TRIM66: variants seen among roughly 807,000 people sequenced by gnomAD.
TRIM66 encodes the protein tripartite motif containing 66.
A neutral mutation model predicts 148.2 loss-of-function variants in TRIM66; 99 were observed. The ratio of observed to expected loss-of-function variants is 0.67; its 90% CI spans 0.57 to 0.79. TRIM66 has a LOEUF of 0.79. TRIM66 is among the 30% of genes least tolerant of loss of function. TRIM66 has a pLI of 0.00. For missense variants in TRIM66, 1,666 were observed against 1,697.9 expected, an observed-to-expected ratio of 0.98 and a Z score of 0.33; for synonymous variants, 616 against 635.9, an observed-to-expected ratio of 0.97 and a Z score of 0.47.
At position 8,640,211 on chromosome 11, in the gene TRIM66, C is replaced by T. The variant is rs1359675926; in HGVS notation, c.2148+16G>A. 6.5e-7 allele frequency: 1 copy of T among 1,547,068 alleles called. No individual in the cohort carries two copies. Among genetic ancestry groups the T allele is most frequent in the East Asian group, 2.5e-5 (1 of 40,814 alleles). ...CGATGGGCAGAATATGCACGCCAAG[C>T]CACCCTGACGCTTACCTGCAGGGTC... On this transcript the variant is annotated intron_variant, in intron 14 of 24. Coordinates refer to ENST00000646038, the MANE Select transcript of TRIM66 (RefSeq NM_001388022.1).
chr11:8,624,616 G>A, intron 16 of TRIM66, 65 bp from the exon 17 acceptor site: 2 of 1,485,930 alleles, frequency 1.3e-6, no homozygotes, highest in Non-Finnish European at 1.8e-6. Flanking sequence ...AGTGGTCTCA[G>A]AACTGTTAAG....
chr11:8,645,738 T>TA lies in TRIM66; in HGVS notation c.1104+2dup. 1 of 1,551,618 alleles carries TA rather than the reference T, an allele frequency of 6.4e-7. No homozygotes were observed. Among genetic ancestry groups the TA allele is most frequent in the Non-Finnish European group, 8.7e-7 (1 of 1,146,878 alleles). Reference sequence around the variant, plus strand: ...GGCTGAGGAGTTGGGAGATTCCTCTTACCAGCTCTTTGCTGAAAAGAAAAG... The same window carrying TA: ...GGCTGAGGAGTTGGGAGATTCCTCTTAACCAGCTCTTTGCTGAAAAGAAAAG... On this transcript the variant is annotated splice_region_variant and intron_variant, in intron 12 of 24. Transcript: ENST00000646038.
At chr11:8,662,265 C>T (rs2038310093) in intron 6 of TRIM66, among the ~76,000 whole-genome samples, 1 of 152,204 alleles carries the variant, frequency 6.6e-6, no homozygotes, top group Non-Finnish European at 1.5e-5. Flanking sequence ...CAGCTGAGAT[C>T]TCACCTCTGG....
chr11:8,660,802 G>C (rs1270660661), intron 6 of TRIM66, among the ~76,000 whole-genome samples: 1 of 152,198 alleles, frequency 6.6e-6, no homozygotes, highest in Non-Finnish European at 1.5e-5. Flanking sequence ...CTTCAAGTTT[G>C]TGTAGGATGT....
At chr11:8,637,339 T>G (rs1209864720) in intron 15 of TRIM66, among the ~76,000 whole-genome samples, 1 of 129,946 alleles carries the variant, frequency 7.7e-6, no homozygotes. Context: ...TATATATATA[T>G]ATGCATTATA....
At chr11:8,663,925 T>C (rs2038421751) in intron 6 of TRIM66, among the ~76,000 whole-genome samples, 1 of 151,972 alleles carries the variant, frequency 6.6e-6, no homozygotes, top group Non-Finnish European at 1.5e-5. Flanking sequence ...AAAAAACTGA[T>C]CTCATAAAAG....
intron 6 of TRIM66, among the ~76,000 whole-genome samples, chr11:8,655,268 C>T (rs142566874): frequency 3.9e-4 from 60 of 152,244 alleles, no homozygotes; most frequent in Middle Eastern, 6.8e-3. Context: ...AAAGCCAGTG[C>T]AGGTTTATAA....
At chr11:8,667,000 T>C (rs561125296) in intron 6 of TRIM66, among the ~76,000 whole-genome samples, 41 of 152,280 alleles carry the variant, frequency 2.7e-4, no homozygotes, top group African/African-American at 9.1e-4. Flanking sequence ...TTTGTATTTT[T>C]AGTAGAGACA....
intron 15 of TRIM66, among the ~76,000 whole-genome samples, chr11:8,627,126 A>G (rs1260892319): frequency 6.6e-6 from 1 of 152,198 alleles, no homozygotes; most frequent in Non-Finnish European, 1.5e-5. Context: ...TCATTTGATT[A>G]ATGTCTGTTT....
At chr11:8,664,755 T>C (rs1224218700) in intron 6 of TRIM66, among the ~76,000 whole-genome samples, 2 of 152,192 alleles carry the variant, frequency 1.3e-5, no homozygotes, top group East Asian at 1.9e-4. Context: ...TGTTCTGTGT[T>C]GGGCTGCGGG....
intron 22 of TRIM66, 41 bp from the exon 23 acceptor site, chr11:8,619,576 G>A (rs1277391654): frequency 6.8e-7 from 1 of 1,480,462 alleles, no homozygotes; most frequent in Non-Finnish European, 9.0e-7. Context: ...CAAAGGGAGT[G>A]AGAGAAGAAA....
chr11:8,632,553 G>A (rs2035513655), intron 15 of TRIM66, among the ~76,000 whole-genome samples: 1 of 143,804 alleles, frequency 7.0e-6, no homozygotes, highest in South Asian at 2.3e-4. Flanking sequence ...CACCTCCTAA[G>A]TTCAAGTGAT....
At position 8,616,668 on chromosome 11, in the gene TRIM66, G is replaced by C. The variant is rs541411431; in HGVS notation, c.*1276C>G. On this transcript the variant is annotated 3_prime_UTR_variant, in exon 25 of 25. Transcript: ENST00000646038. The stretch of plus-strand genomic sequence containing the variant: ...TCTCTCTGCATTCTAGGAGAACTAA[G>C]GCTCTGAGGTTGCTTCATGGTCACC... 3 of 152,288 alleles carry C rather than the reference G, an allele frequency of 2.0e-5. No homozygotes were observed. Among genetic ancestry groups the C allele is most frequent in the East Asian group, 3.9e-4 (2 of 5,168 alleles). 9.4% of individuals were successfully genotyped at this position (152,288 alleles called of 1,614,324 possible). A position where few individuals can be genotyped will look rare whatever the true frequency, so the allele number is the denominator to read the frequency against.
intron 15 of TRIM66, among the ~76,000 whole-genome samples, chr11:8,630,309 C>T (rs1332966557): frequency 6.6e-6 from 1 of 152,106 alleles, no homozygotes; most frequent in African/African-American, 2.4e-5. Flanking sequence ...GAGATGATAC[C>T]ACCCACCCTC....
At chr11:8,642,711 T>C (rs1161639300) in intron 13 of TRIM66, among the ~76,000 whole-genome samples, 1 of 151,556 alleles carries the variant, frequency 6.6e-6, no homozygotes, top group African/African-American at 2.4e-5. Flanking sequence ...GACTGTCTTG[T>C]CTCCTCCTCA....
chr11:8,624,305 G>A, intron 17 of TRIM66, 54 bp downstream of exon 17: 1 of 1,527,686 alleles, frequency 6.5e-7, no homozygotes, highest in Non-Finnish European at 8.8e-7. Context: ...GAAGTGCTGA[G>A]TCCATCTGCT....
At position 8,672,352 on chromosome 11, in the gene TRIM66, C is replaced by G. The variant is rs1208172254; in HGVS notation, c.-78G>C. 4 of 1,531,194 alleles carry G rather than the reference C, an allele frequency of 2.6e-6. No individual in the cohort carries two copies. The highest frequency in any genetic ancestry group is 3.5e-6 in the Non-Finnish European group (4 of 1,145,354). The allele number at this position is 1,531,194 out of a possible 1,614,324, so 94.9% of individuals were successfully genotyped here. A position where few individuals can be genotyped will look rare whatever the true frequency, so the allele number is the denominator to read the frequency against. ...ACAAACCCTTCAAAAGTGTCCCGTA[C>G]CTGTGCCTCTCCTTATTGGTAGACA... On this transcript the variant is annotated 5_prime_UTR_variant, in exon 5 of 25. Transcript: ENST00000646038.
chr11:8,621,321 C>A lies in TRIM66; in HGVS notation c.3256G>T (p.Val1086Phe). 6.5e-7 allele frequency: 1 copy of A among 1,548,486 alleles called. No individual in the cohort carries two copies. The highest frequency in any genetic ancestry group is 8.7e-7 in the Non-Finnish European group (1 of 1,144,948). Residue 1086 changes from valine to phenylalanine, a missense_variant and splice_region_variant, in exon 20 of 25, where the codon GTC (valine) becomes TTC (phenylalanine). Val to Phe is a conservative substitution (Grantham distance 50). Transcript: ENST00000646038. ...GTESSSMSIK[V>F]SQDRLSEATQ... ...GCCTCAGACAGTCTGTCCTGGCTGACCTTGGGGAAGAAGTAAGTCTGGGCA... is the reference window on the plus strand; with the variant it reads ...GCCTCAGACAGTCTGTCCTGGCTGAACTTGGGGAAGAAGTAAGTCTGGGCA...
rs1448800594 is a variant in TRIM66 at position 8,621,718 on chromosome 11, T to C, written c.3182A>G (p.Gln1061Arg). The change falls in exon 19 of 25, where the codon CAG becomes CGG. Residue 1061 changes from glutamine (Q) to arginine (R), a missense_variant. Gln to Arg is a conservative substitution (Grantham distance 43). Coordinates refer to ENST00000646038, the MANE Select transcript of TRIM66 (RefSeq NM_001388022.1). ...GEMPVFKLKP[Q>R]KNDQDGSFLL... ...GAAGCTCCCATCCTGATCATTCTTC[T>C]GTGGCTTCAGTTTGAACACAGGCAT... 3 of 1,551,804 alleles carry C rather than the reference T, an allele frequency of 1.9e-6. No individual in the cohort carries two copies. The highest frequency in any genetic ancestry group is 2.6e-6 in the Non-Finnish European group (3 of 1,147,018).
Sources: allele counts gnomAD v4.1 joint callset (sites outside exome capture counted in the v4.1 genomes callset), GRCh38; gene constraint gnomAD v4.1.1; transcripts MANE v1.5; gene names NCBI Gene and HGNC (gene_info 2026-07-23, HGNC 2026-07-21).